Variants in NPIPB12 observed in about 807,000 individuals in gnomAD.
NPIPB12 encodes nuclear pore complex-interacting protein family member B12.
chr16:29,494,086 C>CA (rs1596716497), intron 2 of NPIPB12, among the ~76,000 whole-genome samples: 1 of 7,492 alleles, frequency 1.3e-4, no homozygotes, highest in Non-Finnish European at 1.9e-4. Context: ...ACTAAAAATA[C>CA]AAAAATTAGC....
intron 1 of NPIPB12, among the ~76,000 whole-genome samples, chr16:29,498,475 G>A (rs1965170502): frequency 1.4e-5 from 1 of 71,144 alleles, no homozygotes; most frequent in Non-Finnish European, 2.7e-5. Context: ...GGAGGCTGAG[G>A]CAGGCAGATC....
chr16:29,498,223 C>G (rs1965161215), intron 1 of NPIPB12, among the ~76,000 whole-genome samples: 4 of 147,014 alleles, frequency 2.7e-5, no homozygotes, highest in Admixed American at 2.7e-4. Context: ...TCGCTCGAAC[C>G]TGGGAAGCAG....
At chr16:29,490,902 A>AT (rs1315997530) in intron 4 of NPIPB12, among the ~76,000 whole-genome samples, 16 of 111,526 alleles carry the variant, frequency 1.4e-4, no homozygotes, top group African/African-American at 3.5e-4. Flanking sequence ...CTATCTCAAA[A>AT]TTAAAAAAAA....
chr16:29,495,364 A>AT (rs1379474387), intron 2 of NPIPB12, 115 bp downstream of exon 3: 1 of 62,606 alleles, frequency 1.6e-5, no homozygotes, highest in African/African-American at 4.8e-5. Flanking sequence ...CATTTCCCTG[A>AT]TTTTTTGGGT....
intron 2 of NPIPB12, among the ~76,000 whole-genome samples, chr16:29,492,512 A>AT (rs1309522939): frequency 0.022 from 951 of 42,638 alleles, 36 homozygotes; most frequent in African/African-American, 0.064. Flanking sequence ...AAAAAAAAAA[A>AT]AGGCCAGATG....
chr16:29,498,322 A>G (rs1413074411), intron 1 of NPIPB12, among the ~76,000 whole-genome samples: 1 of 148,316 alleles, frequency 6.7e-6, no homozygotes, highest in Non-Finnish European at 1.5e-5. Context: ...AAATAAATAA[A>G]TAAATAAATA....
At chr16:29,504,526 G>A (rs1432230946) in intron 2 of NPIPB12, among the ~76,000 whole-genome samples, 11 of 134,200 alleles carry the variant, frequency 8.2e-5, no homozygotes, top group African/African-American at 2.8e-4. Context: ...GTGTGTGTGT[G>A]TGTGTGTGTG....
chr16:29,501,917 G>C (rs1188509058), upstream of NPIPB12, among the ~76,000 whole-genome samples: 1 of 46,304 alleles, frequency 2.2e-5, no homozygotes, highest in Non-Finnish European at 4.4e-5. Flanking sequence ...GTTGTAAAAG[G>C]AGAGACCAAG....
At chr16:29,498,154 G>A (rs1372964865) in intron 1 of NPIPB12, among the ~76,000 whole-genome samples, 1 of 140,096 alleles carries the variant, frequency 7.1e-6, no homozygotes, top group Non-Finnish European at 1.6e-5. Context: ...TACAAAATTA[G>A]CTGGGAGTGG....
chr16:29,490,564 T>A (rs1965069946), intron 4 of NPIPB12, among the ~76,000 whole-genome samples: 1 of 133,872 alleles, frequency 7.5e-6, no homozygotes, highest in African/African-American at 2.9e-5. Context: ...ACCCCGCCTC[T>A]ACTAAAAATA....
At chr16:29,490,501 G>A (rs1284888539) in intron 4 of NPIPB12, among the ~76,000 whole-genome samples, 3 of 149,612 alleles carry the variant, frequency 2.0e-5, no homozygotes, top group East Asian at 2.0e-4. Flanking sequence ...TTGGGAGGCC[G>A]AGGTGTGCGG....
rs1335827470 is a variant in NPIPB12, at chr16:29,499,285, TAA to T, written c.75+37_75+38del. 22 of 159,616 alleles carry T rather than the reference TAA, an allele frequency of 1.4e-4. 5 individuals carry two copies. The highest frequency in any genetic ancestry group is 6.2e-4 in the Admixed American group (6 of 9,698). The allele number at this position is 159,616 out of a possible 1,614,324, so 9.9% of individuals were successfully genotyped here. A position where few individuals can be genotyped will look rare whatever the true frequency, so the allele number is the denominator to read the frequency against. The stretch of plus-strand genomic sequence containing the variant: ...TTTCATGCCACGTGATACAGCCCAG[TAA>T]AAAGGAAGAAACCCCACGGGTCCAG... On this transcript the variant is annotated intron_variant, in intron 1 of 5. Coordinates refer to ENST00000617311, the Ensembl canonical transcript of NPIPB12.
intron 2 of NPIPB12, among the ~76,000 whole-genome samples, chr16:29,504,535 T>TGTGA (rs1965215090): frequency 6.9e-6 from 1 of 144,800 alleles, no homozygotes; most frequent in East Asian, 2.5e-4. Context: ...TGTGTGTGTG[T>TGTGA]GTGTGTGTGT....
intron 2 of NPIPB12, among the ~76,000 whole-genome samples, chr16:29,492,469 C>A: frequency 1.4e-5 from 1 of 73,426 alleles, no homozygotes; most frequent in Non-Finnish European, 2.5e-5. Context: ...CCAACCTGGG[C>A]AACAAAATTG....
At chr16:29,504,524 G>A (rs1965214392) in intron 2 of NPIPB12, among the ~76,000 whole-genome samples, 1 of 112,310 alleles carries the variant, frequency 8.9e-6, no homozygotes, top group African/African-American at 4.6e-5. Context: ...ATGTGTGTGT[G>A]TGTGTGTGTG....
At chr16:29,495,281 TAAAC>T (rs1309055745) in intron 2 of NPIPB12, among the ~76,000 whole-genome samples, 194 bp downstream of exon 3, 9 of 123,104 alleles carry the variant, frequency 7.3e-5, no homozygotes, top group Non-Finnish European at 1.2e-4. Context: ...GACATTCTAT[TAAAC>T]AAACACCGAC....
chr16:29,490,904 TAAAAAAAAAAAA>T (rs1156982100), intron 4 of NPIPB12, among the ~76,000 whole-genome samples: 2 of 56,696 alleles, frequency 3.5e-5, no homozygotes, highest in Admixed American at 1.8e-4. Context: ...ATCTCAAAAT[TAAAAAAAAAAAA>T]AAAAAAAAAA....
chr16:29,490,210 A>G (rs1773085409), intron 4 of NPIPB12, among the ~76,000 whole-genome samples: 1 of 37,022 alleles, frequency 2.7e-5, no homozygotes, highest in Non-Finnish European at 5.3e-5. Flanking sequence ...ATTTTTTAAC[A>G]AGTATCTCAC....
upstream of NPIPB12, among the ~76,000 whole-genome samples, chr16:29,501,175 G>A (rs367633080): frequency 8.2e-5 from 6 of 73,336 alleles, no homozygotes; most frequent in East Asian, 6.8e-4. Context: ...ACCCTAAGAA[G>A]CAAGCAAAAC....
Sources: gnomAD v4.1 joint callset for allele counts (sites outside exome capture counted in the v4.1 genomes callset) on GRCh38, gnomAD v4.1.1 for gene constraint, MANE v1.5 for transcripts, NCBI Gene and HGNC (gene_info 2026-07-23, HGNC 2026-07-21) for gene names.